Variants in GRIK4 observed in about 807,000 individuals in gnomAD.
The protein encoded by GRIK4 is glutamate ionotropic receptor kainate type subunit 4, also known as glutamate receptor ionotropic, kainate 4.
Under a neutral mutation model 104.9 loss-of-function variants are expected in GRIK4, and 40 were observed. The ratio of observed to expected loss-of-function variants is 0.38; its 90% confidence interval spans 0.30 to 0.50. The LOEUF (loss-of-function observed/expected upper bound fraction) is 0.50. Ranked by LOEUF, GRIK4 falls within the 20% of genes least tolerant of loss-of-function variation. The pLI is 0.93. For synonymous variants in GRIK4, 485 were observed against 524.9 expected (o/e 0.92, Z 1.04); for missense variants, 1,047 against 1,308.1 (o/e 0.80, Z 3.08).
chr11:120,944,106 G>A (rs761453088), intron 14 of GRIK4, among the ~76,000 whole-genome samples: 2 of 151,820 alleles, frequency 1.3e-5, no homozygotes, highest in Non-Finnish European at 1.5e-5. Context: ...TTTGGCATTC[G>A]TTACTGTTTT....
At chr11:120,957,082 C>T (rs866613100) in intron 16 of GRIK4, 129 bp downstream of exon 16, 8 of 760,960 alleles carry the variant, frequency 1.1e-5, no homozygotes, top group East Asian at 2.8e-5. Context: ...CGCAGGAAGC[C>T]GAGTGCTTTC....
intron 1 of GRIK4, among the ~76,000 whole-genome samples, chr11:120,559,571 G>A (rs1948219052): frequency 6.6e-6 from 1 of 152,222 alleles, no homozygotes; most frequent in Admixed American, 6.5e-5. Flanking sequence ...TATAAGAAAA[G>A]TATGCAGGCC....
At chr11:120,645,160 T>C (rs1362676855) in intron 1 of GRIK4, among the ~76,000 whole-genome samples, 5 of 152,088 alleles carry the variant, frequency 3.3e-5, no homozygotes, top group Non-Finnish European at 2.9e-5. Flanking sequence ...TGTGTATGTA[T>C]GGTGGTTGTG....
intron 3 of GRIK4, among the ~76,000 whole-genome samples, chr11:120,715,266 G>A (rs1175779088): frequency 1.3e-5 from 2 of 152,198 alleles, no homozygotes; most frequent in Admixed American, 6.5e-5. Context: ...GCACAGTCCC[G>A]AGGAGCCCCA....
chr11:120,956,118 C>T lies in GRIK4; in HGVS notation c.1701-662C>T. ...TAAGGGACACTAATATCTCTCTCAT[C>T]ACCCTGTCACTGGCAGTGACAGAAC... On this transcript the variant is annotated intron_variant, in intron 15 of 20. Transcript: ENST00000527524. This position sits in a 1 kb window ranked among gnomAD's most constrained non-coding sequence, Gnocchi z 4.6. Among the ~76,000 whole-genome samples, 1 of 152,096 alleles carries T rather than the reference C, an allele frequency of 6.6e-6. No individual in the cohort carries two copies. The highest frequency in any genetic ancestry group is 6.5e-5 in the Admixed American group (1 of 15,276).
chr11:120,974,832 C>T (rs903933391), intron 19 of GRIK4, among the ~76,000 whole-genome samples: 1 of 152,238 alleles, frequency 6.6e-6, no homozygotes, highest in Non-Finnish European at 1.5e-5. Context: ...CAAAAAGGAA[C>T]AGGCTCCATT....
chr11:120,831,837 C>T lies in GRIK4; in HGVS notation c.512-15C>T. Reference sequence around the variant, plus strand: ...TCTGTGGACCCTCAGGGGCTTCATCCTCTCTCCCCTCCAGGCCTTTTAAAC... The same window carrying T: ...TCTGTGGACCCTCAGGGGCTTCATCTTCTCTCCCCTCCAGGCCTTTTAAAC... On this transcript the variant is annotated splice_polypyrimidine_tract_variant and intron_variant, in intron 6 of 20. Coordinates refer to ENST00000527524, the MANE Select transcript of GRIK4 (RefSeq NM_014619.5). The T allele has an allele frequency of 6.2e-7, 1 of 1,603,412 alleles. No homozygotes were observed. Among genetic ancestry groups the T allele is most frequent in the African/African-American group, 1.3e-5 (1 of 74,836 alleles).
At chr11:120,825,281 C>T (rs1222727112) in intron 6 of GRIK4, among the ~76,000 whole-genome samples, 1 of 152,150 alleles carries the variant, frequency 6.6e-6, no homozygotes, top group African/African-American at 2.4e-5. Flanking sequence ...GTCCCCACAT[C>T]TTCTGCTACT....
At chr11:120,909,510 G>A (rs1355545882) in intron 13 of GRIK4, among the ~76,000 whole-genome samples, 1 of 152,168 alleles carries the variant, frequency 6.6e-6, no homozygotes, top group Non-Finnish European at 1.5e-5. Flanking sequence ...CAGCTCTCCA[G>A]GGGCTCTCAC....
At chr11:120,655,139 A>G (rs987861360) in intron 2 of GRIK4, among the ~76,000 whole-genome samples, 8 of 152,018 alleles carry the variant, frequency 5.3e-5, no homozygotes, top group Non-Finnish European at 1.2e-4. Context: ...GGTGCTCTCC[A>G]GACAGCATCG....
At chr11:120,823,712 C>T (rs1953181575) in intron 6 of GRIK4, among the ~76,000 whole-genome samples, 1 of 152,204 alleles carries the variant, frequency 6.6e-6, no homozygotes, top group Non-Finnish European at 1.5e-5. Flanking sequence ...ACAACATGTG[C>T]CCTTGTTCCC....
At chr11:120,911,612 C>T (rs1243143425) in intron 13 of GRIK4, among the ~76,000 whole-genome samples, 3 of 147,060 alleles carry the variant, frequency 2.0e-5, no homozygotes, top group Non-Finnish European at 4.5e-5. Context: ...GAGGCCGAGG[C>T]GGGTGGATCA....
intron 3 of GRIK4, among the ~76,000 whole-genome samples, chr11:120,720,502 A>G (rs1312017977): frequency 6.6e-6 from 1 of 152,154 alleles, no homozygotes; most frequent in Non-Finnish European, 1.5e-5. Context: ...GGCCTGGACC[A>G]CGTGGGAGGT....
chr11:120,630,139 C>T (rs1338801193), intron 1 of GRIK4, among the ~76,000 whole-genome samples: 1 of 152,202 alleles, frequency 6.6e-6, no homozygotes, highest in East Asian at 1.9e-4. Context: ...CTGCCTAGCC[C>T]AGCCCAGCTG....
At chr11:120,790,521 A>G (rs1400130282) in intron 3 of GRIK4, among the ~76,000 whole-genome samples, 1 of 152,128 alleles carries the variant, frequency 6.6e-6, no homozygotes, top group African/African-American at 2.4e-5. Flanking sequence ...CCACCTGAAC[A>G]AAAAAACAGG....
In GRIK4 at chr11:120,582,157, G is replaced by A. The variant is rs984048073; in HGVS notation, c.-159+70270G>A. On this transcript the variant is annotated intron_variant, in intron 1 of 20. Coordinates refer to ENST00000527524, the MANE Select transcript of GRIK4 (RefSeq NM_014619.5). Reference sequence around the variant, plus strand: ...AATAGTTTGTAGGCAGGCTTGAGAAGAACCTAACAGAAGTTTCTTCTACCA... The same window carrying A: ...AATAGTTTGTAGGCAGGCTTGAGAAAAACCTAACAGAAGTTTCTTCTACCA... Among the ~76,000 whole-genome samples, 3 of 151,718 alleles carry A rather than the reference G, an allele frequency of 2.0e-5. No homozygotes were observed. The South Asian group carries it at 6.3e-4, about 32-fold the overall frequency.
chr11:120,560,481 C>T (rs1022676509), intron 1 of GRIK4, among the ~76,000 whole-genome samples: 1 of 152,178 alleles, frequency 6.6e-6, no homozygotes, highest in East Asian at 1.9e-4. Flanking sequence ...CAATGAGTCT[C>T]CTTCACAGTG....
chr11:120,706,927 G>T (rs1018535213), intron 3 of GRIK4, among the ~76,000 whole-genome samples: 2 of 152,266 alleles, frequency 1.3e-5, no homozygotes, highest in African/African-American at 4.8e-5. Flanking sequence ...TGCTGACAGT[G>T]GTGCCATGGT....
intron 8 of GRIK4, among the ~76,000 whole-genome samples, chr11:120,841,226 C>G (rs1252958003): frequency 1.3e-5 from 2 of 152,126 alleles, no homozygotes; most frequent in African/African-American, 4.8e-5. Context: ...CATTTTTCAC[C>G]TTTTCAGAAT....
Sources: allele counts gnomAD v4.1 joint callset (sites outside exome capture counted in the v4.1 genomes callset), GRCh38; gene constraint gnomAD v4.1.1; non-coding constraint Gnocchi (gnomAD v3.1); transcripts MANE v1.5; gene names NCBI Gene and HGNC (gene_info 2026-07-23, HGNC 2026-07-21).